Variants in NIPAL2 observed in about 807,000 individuals in gnomAD.
NIPAL2 encodes NIPA like domain containing 2.
A neutral mutation model predicts 48.9 loss-of-function variants in NIPAL2; 43 were observed. That is an observed-to-expected ratio of 0.88 (90% confidence interval 0.69 to 1.13). NIPAL2 has a LOEUF of 1.13. NIPAL2 is among the 50% of genes most tolerant of loss of function. The pLI is 0.00. For missense variants in NIPAL2, 446 were observed against 461.4 expected, an observed-to-expected ratio of 0.97 and a Z score of 0.31; for synonymous variants, 167 against 174.6, an observed-to-expected ratio of 0.96 and a Z score of 0.34.
chr8:98,202,163 G>A (rs1810831404), intron 8 of NIPAL2, among the ~76,000 whole-genome samples: 1 of 152,184 alleles, frequency 6.6e-6, no homozygotes, highest in South Asian at 2.1e-4. Context: ...TAAAAGAACT[G>A]CAATAGTAGA....
chr8:98,211,394 G>C (rs1811307165), intron 6 of NIPAL2, among the ~76,000 whole-genome samples: 1 of 152,054 alleles, frequency 6.6e-6, no homozygotes, highest in African/African-American at 2.4e-5. Context: ...TTCTCTTTCT[G>C]TTCTCTTGAT....
chr8:98,277,413 T>C (rs750284749), intron 1 of NIPAL2, among the ~76,000 whole-genome samples: 1 of 152,092 alleles, frequency 6.6e-6, no homozygotes. Flanking sequence ...GGCACATGTC[T>C]ATAGTCCCAG....
intron 3 of NIPAL2, among the ~76,000 whole-genome samples, chr8:98,238,334 G>A (rs568312859): frequency 6.6e-6 from 1 of 152,300 alleles, no homozygotes; most frequent in South Asian, 2.1e-4. Context: ...GAAAATTGCA[G>A]TTAATATATT....
At chr8:98,287,319 C>T (rs1301618083) in intron 1 of NIPAL2, among the ~76,000 whole-genome samples, 1 of 152,118 alleles carries the variant, frequency 6.6e-6, no homozygotes, top group Admixed American at 6.5e-5. Flanking sequence ...TGGCTGAAGA[C>T]ATGGGAAGAA....
chr8:98,233,512 C>G (rs1172678475), intron 4 of NIPAL2, among the ~76,000 whole-genome samples: 2 of 152,094 alleles, frequency 1.3e-5, no homozygotes, highest in African/African-American at 2.4e-5. Flanking sequence ...ATGTGATCTT[C>G]AAAACTGTCT....
chr8:98,222,184 C>T (rs1811924540), intron 5 of NIPAL2, among the ~76,000 whole-genome samples: 1 of 152,070 alleles, frequency 6.6e-6, no homozygotes. Flanking sequence ...TAAGTATTGT[C>T]CCTTCAACTT....
chr8:98,222,641 C>A, intron 4 of NIPAL2, 41 bp from the exon 5 acceptor site: 1 of 1,605,992 alleles, frequency 6.2e-7, no homozygotes, highest in African/African-American at 1.3e-5. Flanking sequence ...TTGAAACCAA[C>A]CTAAAGCTTT....
chr8:98,209,556 C>T (rs922321747), intron 6 of NIPAL2, among the ~76,000 whole-genome samples: 1 of 151,666 alleles, frequency 6.6e-6, no homozygotes, highest in Admixed American at 6.6e-5. Flanking sequence ...AGTTTGAAGC[C>T]GCAGTGAGCT....
rs1198540167 is a variant in NIPAL2 at position 98,192,139 on chromosome 8, A to T, written c.*839T>A. The T allele has an allele frequency of 6.6e-6, 1 of 152,256 alleles. No individual in the cohort carries two copies. Among genetic ancestry groups the T allele is most frequent in the Non-Finnish European group, 1.5e-5 (1 of 68,040 alleles). The allele number at this position is 152,256 out of a possible 1,614,324, so 9.4% of individuals were successfully genotyped here. On this transcript the variant is annotated 3_prime_UTR_variant, in exon 11 of 11. Transcript: ENST00000430223. ...CTTCAGTTTCAAGTATGATAGAATC[A>T]TACAGCTGAAGAAAACATCACCATT... is the stretch of plus-strand genomic sequence containing the variant.
Position 98,265,616 on chromosome 8 carries a change from A to T in NIPAL2, c.136-11529T>A, listed in dbSNP as rs920282306. On this transcript the variant is annotated intron_variant, in intron 1 of 10. Coordinates refer to ENST00000430223, the MANE Select transcript of NIPAL2 (RefSeq NM_001321635.2). Reference sequence around the variant, plus strand: ...CACACCAGTTAGAATGGCAATCATTAAAAAGTCAGGAAACAACAGGTGCTG... The same window carrying T: ...CACACCAGTTAGAATGGCAATCATTTAAAAGTCAGGAAACAACAGGTGCTG... Among the ~76,000 whole-genome samples, 3 of 137,154 alleles carry T rather than the reference A, an allele frequency of 2.2e-5. No homozygotes were observed. The Admixed American group carries it at 2.3e-4, about 10-fold the overall frequency. 90.0% of individuals were successfully genotyped at this position (137,154 alleles called of 152,430 possible).
chr8:98,212,615 G>C (rs1474106154), intron 5 of NIPAL2, 114 bp from the exon 6 acceptor site: 1 of 600,770 alleles, frequency 1.7e-6, no homozygotes, highest in South Asian at 2.0e-5. Flanking sequence ...GGGTGACTGA[G>C]GTTCCTAGGG....
intron 3 of NIPAL2, among the ~76,000 whole-genome samples, chr8:98,243,037 G>A (rs1813081188): frequency 2.0e-5 from 3 of 152,236 alleles, no homozygotes. Flanking sequence ...GGCGGAGGAA[G>A]ACAGCAGGAA....
At chr8:98,209,031 T>A (rs112945791) in intron 6 of NIPAL2, among the ~76,000 whole-genome samples, 23 of 152,314 alleles carry the variant, frequency 1.5e-4, no homozygotes, top group African/African-American at 5.3e-4. Flanking sequence ...ATGAGAACGC[T>A]TCTGGTATTT....
intron 5 of NIPAL2, among the ~76,000 whole-genome samples, chr8:98,218,861 C>T (rs1028980883): frequency 4.7e-4 from 71 of 152,240 alleles, no homozygotes; most frequent in African/African-American, 1.6e-3. Flanking sequence ...AGGGGGCTCA[C>T]TGGTCAGGTT....
chr8:98,196,061 G>A (rs971572779), intron 8 of NIPAL2, 56 bp from the exon 9 acceptor site: 4 of 1,010,622 alleles, frequency 4.0e-6, no homozygotes, highest in Middle Eastern at 3.0e-4. Context: ...ATTTATAATA[G>A]CTAAATATTG....
chr8:98,224,756 T>TTTC (rs71570296), intron 4 of NIPAL2, among the ~76,000 whole-genome samples: 15 of 11,650 alleles, frequency 1.3e-3, no homozygotes, highest in African/African-American at 2.3e-3. Context: ...CTTTCTTTTC[T>TTTC]TTTTTTTTTT....
intron 3 of NIPAL2, among the ~76,000 whole-genome samples, chr8:98,238,888 GCCAA>G (rs1812849494): frequency 6.6e-6 from 1 of 152,102 alleles, no homozygotes; most frequent in Non-Finnish European, 1.5e-5. Flanking sequence ...TCAGATTTGG[GCCAA>G]AATAATCCAG....
intron 8 of NIPAL2, among the ~76,000 whole-genome samples, chr8:98,196,439 C>T (rs1810554003): frequency 6.6e-6 from 1 of 152,184 alleles, no homozygotes; most frequent in African/African-American, 2.4e-5. Flanking sequence ...CTGCTGCCAC[C>T]CATGCTGTCA....
intron 1 of NIPAL2, among the ~76,000 whole-genome samples, chr8:98,258,474 T>G (rs772656599): frequency 6.6e-6 from 1 of 152,158 alleles, no homozygotes; most frequent in Non-Finnish European, 1.5e-5. Flanking sequence ...TGCTGCAGAA[T>G]AGATCCCTGG....
Sources: gnomAD v4.1 joint callset for allele counts (sites outside exome capture counted in the v4.1 genomes callset) on GRCh38, gnomAD v4.1.1 for gene constraint, MANE v1.5 for transcripts, NCBI Gene and HGNC (gene_info 2026-07-23, HGNC 2026-07-21) for gene names.